The following RERG variants were observed in gnomAD, a reference collection of about 807,000 sequenced individuals.
The protein encoded by RERG is RAS like estrogen regulated growth inhibitor.
In RERG, 25 loss-of-function variants were observed where a neutral mutation model predicts 23.2. That is an observed-to-expected ratio of 1.08 (90% CI 0.79 to 1.50). The LOEUF is 1.50. Ranked by LOEUF, RERG falls within the 40% of genes most tolerant of loss-of-function variation. RERG has a pLI of 0.00. For missense variants in RERG, 253 were observed against 250.1 expected (o/e 1.01, Z -0.08); for synonymous variants, 81 against 89.1 (o/e 0.91, Z 0.51).
intron 2 of RERG, among the ~76,000 whole-genome samples, chr12:15,167,778 T>C (rs1477743005): frequency 6.6e-6 from 1 of 152,166 alleles, no homozygotes. Flanking sequence ...ACATTTCTAA[T>C]AAAGACAAAA....
intron 2 of RERG, among the ~76,000 whole-genome samples, chr12:15,203,972 T>A (rs868142409): frequency 4.0e-5 from 6 of 151,668 alleles, no homozygotes; most frequent in Non-Finnish European, 8.9e-5. Flanking sequence ...GGAAGACTTA[T>A]AATGTTAAAA....
At chr12:15,212,169 C>T (rs966460244) in intron 2 of RERG, among the ~76,000 whole-genome samples, 14 of 148,138 alleles carry the variant, frequency 9.5e-5, no homozygotes, top group Non-Finnish European at 1.3e-4. Flanking sequence ...ACGCCATTCT[C>T]CTGCCTCAGC....
chr12:15,189,900 C>A (rs764500451), intron 2 of RERG, among the ~76,000 whole-genome samples: 2 of 152,222 alleles, frequency 1.3e-5, no homozygotes, highest in Middle Eastern at 6.8e-3. Context: ...GGGAGCTTGA[C>A]GTTAAGAAAC....
chr12:15,111,004 C>T (rs887774904), intron 4 of RERG: 1 of 177,762 alleles, frequency 5.6e-6, no homozygotes, highest in Non-Finnish European at 1.2e-5. Context: ...TCAGTAAAGA[C>T]ACCTGTTTAA....
chr12:15,174,199 C>A (rs1864814008), intron 2 of RERG, among the ~76,000 whole-genome samples: 1 of 151,932 alleles, frequency 6.6e-6, no homozygotes, highest in Non-Finnish European at 1.5e-5. Flanking sequence ...TGAAATTCTT[C>A]TATTACAGTC....
intron 2 of RERG, 56 bp from the exon 3 acceptor site, chr12:15,121,175 C>T (rs568955404): frequency 2.2e-6 from 3 of 1,377,988 alleles, no homozygotes; most frequent in African/African-American, 2.9e-5. Context: ...GCTTAGCACA[C>T]CTATCTTTTT....
At chr12:15,187,958 T>C (rs1865017097) in intron 2 of RERG, among the ~76,000 whole-genome samples, 2 of 152,136 alleles carry the variant, frequency 1.3e-5, no homozygotes, top group Admixed American at 6.5e-5. Flanking sequence ...AAATAAATAC[T>C]GAACATAGGA....
At chr12:15,204,017 T>C (rs1050773825) in intron 2 of RERG, among the ~76,000 whole-genome samples, 2 of 151,686 alleles carry the variant, frequency 1.3e-5, no homozygotes, top group African/African-American at 4.8e-5. Context: ...ACATATTCAC[T>C]GCTATTCCCA....
At chr12:15,172,609 G>C (rs1474370771) in intron 2 of RERG, among the ~76,000 whole-genome samples, 1 of 151,980 alleles carries the variant, frequency 6.6e-6, no homozygotes, top group African/African-American at 2.4e-5. Flanking sequence ...TTTGAGAGTC[G>C]CAGTTTACCA....
intron 1 of RERG, among the ~76,000 whole-genome samples, chr12:15,220,597 C>T (rs947835012): frequency 1.3e-5 from 2 of 152,104 alleles, no homozygotes; most frequent in Non-Finnish European, 1.5e-5. Context: ...TATCAAGGTT[C>T]ATGCTTTCTA....
At chr12:15,160,827 A>G (rs1395908729) in intron 2 of RERG, among the ~76,000 whole-genome samples, 1 of 152,072 alleles carries the variant, frequency 6.6e-6, no homozygotes, top group East Asian at 1.9e-4. Context: ...AGCCTTAGGG[A>G]ATAATACTCC....
chr12:15,198,543 T>C (rs1865175623), intron 2 of RERG, among the ~76,000 whole-genome samples: 1 of 152,158 alleles, frequency 6.6e-6, no homozygotes, highest in Admixed American at 6.6e-5. Context: ...ACATATGAAA[T>C]CAAAGCATCT....
At chr12:15,188,876 C>G (rs1430255127) in intron 2 of RERG, among the ~76,000 whole-genome samples, 1 of 152,124 alleles carries the variant, frequency 6.6e-6, no homozygotes, top group Non-Finnish European at 1.5e-5. Flanking sequence ...TATGGGAATG[C>G]CTCAGACGCC....
At chr12:15,110,680 A>T (rs1863597307) in intron 4 of RERG, among the ~76,000 whole-genome samples, 1 of 151,542 alleles carries the variant, frequency 6.6e-6, no homozygotes, top group Non-Finnish European at 1.5e-5. Flanking sequence ...GGATTTCACC[A>T]TGTTAGCCAG....
intron 2 of RERG, among the ~76,000 whole-genome samples, chr12:15,160,191 G>GT (rs752403401): frequency 1.3e-5 from 2 of 150,040 alleles, no homozygotes; most frequent in African/African-American, 2.4e-5. Context: ...ATTTTTTTTT[G>GT]TTTTGAATCC....
In RERG at chr12:15,109,186, C is replaced by A. The variant is rs200301528; in HGVS notation, c.524G>T (p.Gly175Val). Residue 175 changes from glycine (G) to valine (V), a missense_variant, in exon 5 of 5, where the codon GGC (glycine) becomes GTC (valine). Transcript: ENST00000256953. Reference protein sequence around the residue: ...REVRRRRMVQGKTRRRSSTTH... With the variant: ...REVRRRRMVQVKTRRRSSTTH... The stretch of plus-strand genomic sequence containing the variant: ...GGTGGAGCTGCGTCGCCTCGTCTTG[C>A]CCTGCACCATCCTCCGGCGACGCAC... 84 of 1,613,872 alleles carry A rather than the reference C, an allele frequency of 5.2e-5. No homozygotes were observed. In the African/African-American group the frequency reaches 9.6e-4, roughly 18 times the overall value.
chr12:15,136,470 T>C (rs11056368), intron 2 of RERG, among the ~76,000 whole-genome samples: 14,321 of 152,074 alleles, frequency 0.094, 726 homozygotes, highest in East Asian at 0.15. Flanking sequence ...TCTAGTTTCC[T>C]AGAAATAGGT....
At chr12:15,123,695 T>C (rs918441281) in intron 2 of RERG, among the ~76,000 whole-genome samples, 2 of 151,328 alleles carry the variant, frequency 1.3e-5, no homozygotes, top group Non-Finnish European at 2.9e-5. Context: ...CTATAATTAA[T>C]GAAAATGGGT....
chr12:15,172,656 G>A (rs1476121548), intron 2 of RERG, among the ~76,000 whole-genome samples: 1 of 152,024 alleles, frequency 6.6e-6, no homozygotes, highest in East Asian at 1.9e-4. Flanking sequence ...TTTAATTAAA[G>A]CTATCCTAGT....
Sources: allele counts gnomAD v4.1 joint callset (sites outside exome capture counted in the v4.1 genomes callset), GRCh38; gene constraint gnomAD v4.1.1; transcripts MANE v1.5; gene names NCBI Gene and HGNC (gene_info 2026-07-23, HGNC 2026-07-21).